The following TTN variants were observed in gnomAD, a reference collection of about 807,000 sequenced individuals.
TTN encodes titin.
TTN carries 1,525 observed loss-of-function variants against 3,223.0 expected under a neutral mutation model. That is an observed-to-expected ratio of 0.47 (90% CI 0.45 to 0.49). The LOEUF is 0.49. Among genes scored for constraint, TTN ranks in the 20% least tolerant of loss-of-function variants. The probability of loss-of-function intolerance (pLI) is 0.00; values close to 1 mark genes in which losing one functional copy is unlikely to be tolerated. For synonymous variants in TTN, 14,094 were observed against 15,161.0 expected, an observed-to-expected ratio of 0.93 and a Z score of 5.17; for missense variants, 40,786 against 43,424.0, an observed-to-expected ratio of 0.94 and a Z score of 5.40.
chr2:178,683,082 T>C, intron 134 of TTN, 129 bp downstream of exon 134: 1 of 953,332 alleles, frequency 1.0e-6, no homozygotes, highest in Non-Finnish European at 1.6e-6. Context: ...GCAATTGTGA[T>C]TTCAAATGTT....
At chr2:178,623,719 G>A (rs922065742) in intron 242 of TTN, among the ~76,000 whole-genome samples, 3 of 151,912 alleles carry the variant, frequency 2.0e-5, no homozygotes, top group Admixed American at 6.6e-5. Flanking sequence ...CAGATGGGAA[G>A]CAACCAAACC....
At chr2:178,648,922 G>C (rs973808153) in intron 213 of TTN, among the ~76,000 whole-genome samples, 2 of 152,110 alleles carry the variant, frequency 1.3e-5, no homozygotes, top group African/African-American at 4.8e-5. Context: ...TTTGAAGACA[G>C]AATCAGGCCT....
At position 178,634,570 on chromosome 2, in the gene TTN, C is replaced by T. The variant is rs2154227681; in HGVS notation, c.42211G>A (p.Ala14071Thr). 6.2e-7 allele frequency: 1 copy of T among 1,613,338 alleles called. No individual in the cohort carries two copies. Among genetic ancestry groups the T allele is most frequent in the Non-Finnish European group, 8.5e-7 (1 of 1,179,516 alleles). ...KDVTVPERRQ[A>T]RFECVLTREA... Reference sequence around the variant, plus strand: ...CGGGTGAGGACACATTCGAATCGAGCCTGTCGCCTTTCTGGAACAGTGACA... The same window carrying T: ...CGGGTGAGGACACATTCGAATCGAGTCTGTCGCCTTTCTGGAACAGTGACA... The change falls in exon 230 of 363, where the codon GCT (alanine) becomes ACT (threonine). Residue 14071 changes from alanine to threonine, a missense_variant. Physicochemically the swap from Ala to Thr is moderately conservative, Grantham distance 58. Transcript: ENST00000589042. The surrounding 1 kb of genome is among the most constrained non-coding windows in gnomAD (Gnocchi z 4.6).
chr2:178,619,947 A>C, intron 249 of TTN, 41 bp downstream of exon 249: 1 of 1,595,438 alleles, frequency 6.3e-7, no homozygotes, highest in Non-Finnish European at 8.5e-7. Flanking sequence ...CAATTTTAAA[A>C]AATTGGTAAC....
intron 1 of TTN, among the ~76,000 whole-genome samples, chr2:178,805,035 T>C (rs1302787295): frequency 4.6e-5 from 7 of 152,114 alleles, no homozygotes; most frequent in Admixed American, 4.6e-4. Context: ...AGACAAGACA[T>C]GTGATAAATG....
chr2:178,747,515 G>A, intron 47 of TTN: 1 of 1,613,348 alleles, frequency 6.2e-7, no homozygotes. Context: ...AGGAGAAAGT[G>A]GACGACCTAG....
intron 167 of TTN, 48 bp from the exon 168 acceptor site, chr2:178,664,585 A>G (rs1211187791): frequency 6.2e-7 from 1 of 1,605,164 alleles, no homozygotes; most frequent in Non-Finnish European, 8.5e-7. Flanking sequence ...AAGAATCAAC[A>G]CAATCAGGAA....
In TTN at chr2:178,574,453, A is replaced by C. The variant is rs777818650; in HGVS notation, c.71679T>G (p.Asp23893Glu). The change falls in exon 326 of 363, where the codon GAT becomes GAG. Residue 23893 changes from aspartate (D) to glutamate (E), a missense_variant. Asp to Glu is a conservative substitution (Grantham distance 45, BLOSUM62 2). Transcript: ENST00000589042. ...TCACCCGGAACTCATAAGCAATACC[A>C]TCTGTAAGTCCACTTGATTTGAAAA... ...GNIFKSSGLTDGIAYEFRVIA... is the reference protein window; with the variant it reads ...GNIFKSSGLTEGIAYEFRVIA... 17 of 1,613,492 alleles carry C rather than the reference A, an allele frequency of 1.1e-5. No homozygotes were observed. Among genetic ancestry groups the C allele is most frequent in the Non-Finnish European group, 1.4e-5 (16 of 1,179,660 alleles).
At position 178,634,424 on chromosome 2, in the gene TTN, T is replaced by G; in HGVS notation, c.42357A>C (p.Glu14119Asp). 1 of 1,613,070 alleles carries G rather than the reference T, an allele frequency of 6.2e-7. No individual in the cohort carries two copies. ...LVINDSQFDD[E>D]GVYTAEVEGK... ...CCTCCACCTCAGCAGTATAGACCCCTTCATCATCAAATTGAGAATCATTAA... is the reference window on the plus strand; with the variant it reads ...CCTCCACCTCAGCAGTATAGACCCCGTCATCATCAAATTGAGAATCATTAA... Residue 14119 changes from glutamate (E) to aspartate (D), a missense_variant, in exon 230 of 363, where the codon GAA (glutamate) becomes GAC (aspartate). By Grantham distance (45) the Glu-to-Asp change is conservative. Coordinates refer to ENST00000589042, the MANE Select transcript of TTN (RefSeq NM_001267550.2). This position sits in a 1 kb window ranked among gnomAD's most constrained non-coding sequence, Gnocchi z 4.6.
Position 178,806,576 on chromosome 2 carries a change from A to T in TTN, c.-14+636T>A, listed in dbSNP as rs377104826. ...CAAATCTCCAACTATGTTGCAATTA[A>T]CCAGCTTAAATTGATCTTACATTCC... is the stretch of plus-strand genomic sequence containing the variant. On this transcript the variant is annotated intron_variant, in intron 1 of 362. Transcript: ENST00000589042. 1.8e-4 allele frequency among the ~76,000 whole-genome samples: 28 copies of T among 152,388 alleles called. No homozygotes were observed. In the East Asian group the frequency reaches 4.4e-3, roughly 24 times the overall value.
Position 178,781,196 on chromosome 2 carries a change from C to T in TTN, c.3448G>A (p.Asp1150Asn), listed in dbSNP as rs879038939. The change falls in exon 21 of 363, where the codon GAT (aspartate) becomes AAT (asparagine). Residue 1150 changes from aspartate (D) to asparagine (N), a missense_variant. Physicochemically the swap from Asp to Asn is conservative, Grantham distance 23 (BLOSUM62 1). Transcript: ENST00000589042. ...KLVISMTFAD[D>N]AGEYTIVVRN... ...ACAACAATAGTGTATTCTCCAGCAT[C>T]ATCAGCAAAAGTCATAGAAATCACC... 1.9e-6 allele frequency: 3 copies of T among 1,614,066 alleles called. No homozygotes were observed. The highest frequency in any genetic ancestry group is 2.7e-5 in the African/African-American group (2 of 75,042).
chr2:178,679,823 A>G, intron 140 of TTN, 71 bp downstream of exon 140: 1 of 1,586,898 alleles, frequency 6.3e-7, no homozygotes, highest in Non-Finnish European at 8.6e-7. Context: ...TAACCCCCAG[A>G]ATCTGACCAA....
chr2:178,720,757 T>C (rs751545828), intron 79 of TTN, 94 bp from the exon 80 acceptor site: 28 of 1,398,430 alleles, frequency 2.0e-5, no homozygotes, highest in Non-Finnish European at 2.6e-5. Context: ...ACTGGTGTGA[T>C]CATATGACAA....
Position 178,601,034 on chromosome 2 carries a change from T to C in TTN, c.55870A>G (p.Thr18624Ala), listed in dbSNP as rs775771274. Residue 18624 changes from threonine (T) to alanine (A), a missense_variant, in exon 288 of 363, where the codon ACT becomes GCT. Physicochemically the swap from Thr to Ala is moderately conservative, Grantham distance 58. Coordinates refer to ENST00000589042, the MANE Select transcript of TTN (RefSeq NM_001267550.2). Reference sequence around the variant, plus strand: ...CTCCAGGCTTCTTTCTTTGTCCCAGTAGGGTCCCATGCAAGGCACTCAACA... The same window carrying C: ...CTCCAGGCTTCTTTCTTTGTCCCAGCAGGGTCCCATGCAAGGCACTCAACA... ...YIVECLAWDPTGTKKEAWRQC... is the reference protein window; with the variant it reads ...YIVECLAWDPAGTKKEAWRQC... The C allele has an allele frequency of 1.9e-6, 3 of 1,612,952 alleles. No individual in the cohort carries two copies. Among genetic ancestry groups the C allele is most frequent in the South Asian group, 1.1e-5 (1 of 91,018 alleles).
chr2:178,587,756 T>C lies in TTN; in HGVS notation c.63553A>G (p.Ile21185Val), dbSNP rs1329536424. 1 of 1,609,800 alleles carries C rather than the reference T, an allele frequency of 6.2e-7. No homozygotes were observed. Among genetic ancestry groups the C allele is most frequent in the African/African-American group, 1.3e-5 (1 of 74,816 alleles). ...CGAATAGGGCATCCTGCTCTCACTA[T>C]GACCAGTTTCCTCATGCTGGCATCC... ...DLDASMRKLV[I>V]VRAGCPIRLF... Residue 21185 changes from isoleucine to valine, a missense_variant, in exon 306 of 363, where the codon ATA becomes GTA. Ile to Val is a conservative substitution (Grantham distance 29, BLOSUM62 3). Coordinates refer to ENST00000589042, the MANE Select transcript of TTN (RefSeq NM_001267550.2).
rs747917712 is a variant in TTN, at chr2:178,615,767, G to C, written c.48334C>G (p.Leu16112Val). The C allele has an allele frequency of 3.1e-6, 5 of 1,611,724 alleles. No individual in the cohort carries two copies. The highest frequency in any genetic ancestry group is 1.3e-5 in the African/African-American group (1 of 74,874). The change falls in exon 258 of 363, where the codon CTA (leucine) becomes GTA (valine). Residue 16112 changes from leucine (L) to valine (V), a missense_variant. By Grantham distance (32) the Leu-to-Val change is conservative. Coordinates refer to ENST00000589042, the MANE Select transcript of TTN (RefSeq NM_001267550.2). Reference protein sequence around the residue: ...WTKVMDFVTDLEFTVPDLVQG... With the variant: ...WTKVMDFVTDVEFTVPDLVQG... The stretch of plus-strand genomic sequence containing the variant: ...ACAAGATCAGGAACTGTGAATTCTA[G>C]ATCAGTCACAAAGTCCATAACCTGG...
intron 73 of TTN, 74 bp from the exon 74 acceptor site, chr2:178,723,770 G>C (rs2078853480): frequency 1.3e-6 from 2 of 1,532,720 alleles, no homozygotes; most frequent in Non-Finnish European, 1.7e-6. Flanking sequence ...TAAAACATTA[G>C]AGCACTTTCA....
Position 178,548,553 on chromosome 2 carries a change from A to C in TTN, c.93073T>G (p.Phe31025Val). The change falls in exon 339 of 363, where the codon TTC (phenylalanine) becomes GTC (valine). Residue 31025 changes from phenylalanine to valine, a missense_variant. Physicochemically the swap from Phe to Val is conservative, Grantham distance 50. Coordinates refer to ENST00000589042, the MANE Select transcript of TTN (RefSeq NM_001267550.2). The surrounding 1 kb of genome is among the most constrained non-coding windows in gnomAD (Gnocchi z 4.3). ...GCAGATCCCCGGGTCACATCTTTGA[A>C]GGTAATTGGGCCAGGTGGGCCTGGA... is the stretch of plus-strand genomic sequence containing the variant. Reference protein sequence around the residue: ...DTPGPPGPITFKDVTRGSATL... With the variant: ...DTPGPPGPITVKDVTRGSATL... 5 of 1,613,868 alleles carry C rather than the reference A, an allele frequency of 3.1e-6. No homozygotes were observed. Among genetic ancestry groups the C allele is most frequent in the Non-Finnish European group, 4.2e-6 (5 of 1,179,792 alleles).
chr2:178,582,040 A>G lies in TTN; in HGVS notation c.66329T>C (p.Ile22110Thr). The G allele has an allele frequency of 6.2e-7, 1 of 1,613,274 alleles. No homozygotes were observed. The highest frequency in any genetic ancestry group is 8.5e-7 in the Non-Finnish European group (1 of 1,179,484). ...TGTTGCTTTTAATGTTCTTTCTATA[A>G]TAGGTTTTCTGTTGACCTTAGTCCA... The part of the protein sequence containing the change: ...VNWTKVNRKP[I>T]IERTLKATGL... The change falls in exon 315 of 363, where the codon ATT becomes ACT. Residue 22110 changes from isoleucine to threonine, a missense_variant. Physicochemically the swap from Ile to Thr is moderately conservative, Grantham distance 89. Transcript: ENST00000589042.
Sources: allele counts gnomAD v4.1 joint callset (sites outside exome capture counted in the v4.1 genomes callset), GRCh38; gene constraint gnomAD v4.1.1; non-coding constraint Gnocchi (gnomAD v3.1); transcripts MANE v1.5; gene names NCBI Gene and HGNC (gene_info 2026-07-23, HGNC 2026-07-21).